The following GRM8 variants were observed in gnomAD, a reference collection of about 807,000 sequenced individuals.
GRM8 encodes metabotropic glutamate receptor 8.
GRM8 carries 47 observed loss-of-function variants against 87.2 expected under a neutral mutation model. The ratio of observed to expected loss-of-function variants is 0.54; its 90% CI spans 0.43 to 0.69. GRM8 has a LOEUF of 0.69. Ranked by LOEUF, GRM8 falls within the 30% of genes least tolerant of loss-of-function variation. The probability of loss-of-function intolerance (pLI) is 0.00; values close to 1 mark genes in which losing one functional copy is unlikely to be tolerated. For synonymous variants in GRM8, 396 were observed against 404.5 expected (o/e 0.98, Z 0.25); for missense variants, 1,019 against 1,139.2 (o/e 0.89, Z 1.52).
At chr7:126,758,830 A>G (rs963003646) in intron 7 of GRM8, among the ~76,000 whole-genome samples, 7 of 152,160 alleles carry the variant, frequency 4.6e-5, no homozygotes, top group African/African-American at 1.7e-4. Flanking sequence ...TCCCTTAAGC[A>G]TAGTAATTAG....
At chr7:127,033,286 G>C (rs1817558990) in intron 3 of GRM8, among the ~76,000 whole-genome samples, 1 of 151,514 alleles carries the variant, frequency 6.6e-6, no homozygotes, top group Non-Finnish European at 1.5e-5. Context: ...AAAATCTTCA[G>C]CTTTTAATTT....
At chr7:127,100,530 G>A (rs1825136547) in intron 3 of GRM8, among the ~76,000 whole-genome samples, 1 of 152,340 alleles carries the variant, frequency 6.6e-6, no homozygotes, top group South Asian at 2.1e-4. Flanking sequence ...CCAAGACTGA[G>A]TAATTTGTAA....
chr7:126,545,687 T>C (rs6955774), intron 8 of GRM8, among the ~76,000 whole-genome samples: 1,889 of 152,300 alleles, frequency 0.012, 29 homozygotes, highest in Middle Eastern at 0.041. Context: ...ATTGAATCTA[T>C]ATGGTCAGTA....
At chr7:127,056,433 G>C (rs1381370850) in intron 3 of GRM8, among the ~76,000 whole-genome samples, 3 of 152,126 alleles carry the variant, frequency 2.0e-5, no homozygotes, top group African/African-American at 4.8e-5. Context: ...AACCTGAGCA[G>C]CTGCCCAGGG....
Position 126,630,626 on chromosome 7 carries a change from G to A in GRM8, c.1358-21128C>T, listed in dbSNP as rs769904170. Among the ~76,000 whole-genome samples, 10 of 151,800 alleles carry A rather than the reference G, an allele frequency of 6.6e-5. 1 individual carries two copies. The highest frequency in any genetic ancestry group is 1.2e-4 in the Non-Finnish European group (8 of 67,914). On this transcript the variant is annotated intron_variant, in intron 7 of 10. Transcript: ENST00000339582. Reference sequence around the variant, plus strand: ...CCTTGATGAACATCAATGGAAAAACGCTCAACAAAATACTAGCAAACTGAA... The same window carrying A: ...CCTTGATGAACATCAATGGAAAAACACTCAACAAAATACTAGCAAACTGAA...
At chr7:126,878,723 C>T (rs974285718) in intron 6 of GRM8, among the ~76,000 whole-genome samples, 2 of 151,952 alleles carry the variant, frequency 1.3e-5, no homozygotes, top group Admixed American at 6.5e-5. Context: ...GATAGGGTTT[C>T]ACCATGTTGG....
chr7:126,906,948 T>C (rs1446783140), intron 3 of GRM8, among the ~76,000 whole-genome samples: 2 of 152,178 alleles, frequency 1.3e-5, no homozygotes, highest in Non-Finnish European at 2.9e-5. Context: ...ATCTGCTAGA[T>C]ACTGTGTGGG....
rs191567386 is a variant in GRM8, at chr7:126,619,282, C to A, written c.1358-9784G>T. Among the ~76,000 whole-genome samples, 1,164 of 152,204 alleles carry A rather than the reference C, an allele frequency of 7.6e-3. 8 individuals carry two copies. Among genetic ancestry groups the A allele is most frequent in the Non-Finnish European group, 0.012 (839 of 67,998 alleles). On this transcript the variant is annotated intron_variant, in intron 7 of 10. Coordinates refer to ENST00000339582, the MANE Select transcript of GRM8 (RefSeq NM_000845.3). The stretch of plus-strand genomic sequence containing the variant: ...AGCAAACTACCCCAAGAACAAAAAA[C>A]CAAACACCGCATGTTCTCACTCACA...
rs1028320560 is a variant in GRM8, at chr7:127,252,716, G to A, written c.-312+81C>T. 3 of 153,652 alleles carry A rather than the reference G, an allele frequency of 2.0e-5. No individual in the cohort carries two copies. The highest frequency in any genetic ancestry group is 2.9e-5 in the Non-Finnish European group (2 of 68,844). The allele number at this position is 153,652 out of a possible 1,614,324, so 9.5% of individuals were successfully genotyped here. Reference sequence around the variant, plus strand: ...CAAGCAGGGCGTTTTGGGGAAGTTTGGGGGCCAGGGGCTTTTTGTCCCGTG... The same window carrying A: ...CAAGCAGGGCGTTTTGGGGAAGTTTAGGGGCCAGGGGCTTTTTGTCCCGTG... On this transcript the variant is annotated intron_variant, in intron 1 of 10. Transcript: ENST00000339582. The surrounding 1 kb of genome is among the most constrained non-coding windows in gnomAD (Gnocchi z 4.9).
intron 7 of GRM8, among the ~76,000 whole-genome samples, chr7:126,748,520 T>C (rs191830444): frequency 1.3e-5 from 2 of 151,406 alleles, no homozygotes; most frequent in East Asian, 3.9e-4. Flanking sequence ...TGTTCATAGA[T>C]GGGAAGACTG....
chr7:127,251,772 G>C (rs1049097048), intron 1 of GRM8, among the ~76,000 whole-genome samples: 2 of 151,960 alleles, frequency 1.3e-5, no homozygotes, highest in Admixed American at 6.6e-5. Flanking sequence ...AGGAGCTGTT[G>C]GGGTGCGTTT....
intron 7 of GRM8, among the ~76,000 whole-genome samples, chr7:126,701,176 G>A (rs1809881224): frequency 6.6e-6 from 1 of 152,102 alleles, no homozygotes; most frequent in African/African-American, 2.4e-5. Flanking sequence ...GAGTCAGCTA[G>A]TTTTGGAATC....
chr7:127,178,026 T>A (rs1375822476), intron 2 of GRM8, among the ~76,000 whole-genome samples: 4 of 152,038 alleles, frequency 2.6e-5, no homozygotes, highest in Non-Finnish European at 4.4e-5. Flanking sequence ...GAAAAAGAAC[T>A]CAGGAGTTTA....
chr7:127,151,070 C>A (rs1194728887), intron 2 of GRM8, among the ~76,000 whole-genome samples: 1 of 152,028 alleles, frequency 6.6e-6, no homozygotes, highest in African/African-American at 2.4e-5. Flanking sequence ...TGGGGAACAA[C>A]ATATGCTGGC....
intron 7 of GRM8, among the ~76,000 whole-genome samples, chr7:126,681,749 T>C (rs746776902): frequency 2.6e-5 from 4 of 152,228 alleles, no homozygotes; most frequent in Admixed American, 6.5e-5. Context: ...TCCTTTTCAG[T>C]TGATAAATTC....
chr7:126,447,127 G>A (rs560561295), intron 9 of GRM8: 2 of 151,720 alleles, frequency 1.3e-5, no homozygotes, highest in Middle Eastern at 6.8e-3. Flanking sequence ...CGACTGCTCT[G>A]ATACTTACAG....
intron 3 of GRM8, among the ~76,000 whole-genome samples, chr7:127,050,300 G>A (rs1586853626): frequency 6.6e-6 from 1 of 152,228 alleles, no homozygotes; most frequent in East Asian, 1.9e-4. Flanking sequence ...AGCTGATAAG[G>A]AGCCCTCATT....
At chr7:126,687,324 T>G (rs1808293860) in intron 7 of GRM8, among the ~76,000 whole-genome samples, 1 of 152,202 alleles carries the variant, frequency 6.6e-6, no homozygotes, top group Non-Finnish European at 1.5e-5. Context: ...TTTTCTAACT[T>G]TACATAAAAG....
At chr7:127,140,817 T>C (rs1828219687) in intron 2 of GRM8, among the ~76,000 whole-genome samples, 2 of 152,198 alleles carry the variant, frequency 1.3e-5, no homozygotes, top group South Asian at 4.1e-4. Flanking sequence ...TGACTCACTT[T>C]TGAAAGCCAG....
Sources: allele counts gnomAD v4.1 joint callset (sites outside exome capture counted in the v4.1 genomes callset), GRCh38; gene constraint gnomAD v4.1.1; non-coding constraint Gnocchi (gnomAD v3.1); transcripts MANE v1.5; gene names NCBI Gene and HGNC (gene_info 2026-07-23, HGNC 2026-07-21).